The following ZNF705G variants were observed in gnomAD, a reference collection of about 807,000 sequenced individuals.
The protein encoded by ZNF705G is putative zinc finger protein 705G.
A neutral mutation model predicts 19.6 loss-of-function variants in ZNF705G; 23 were observed. The ratio of observed to expected loss-of-function variants is 1.17; its 90% CI spans 0.84 to 1.66. ZNF705G has a LOEUF of 1.66. ZNF705G is among the 40% of genes most tolerant of loss of function. The pLI, the probability that ZNF705G is intolerant of heterozygous loss-of-function variation, is 0.00. For missense variants in ZNF705G, 457 were observed against 354.4 expected, an observed-to-expected ratio of 1.29 and a Z score of -2.32; for synonymous variants, 146 against 117.7, an observed-to-expected ratio of 1.24 and a Z score of -1.56.
At chr8:7,368,435 A>G (rs545280405) in intron 2 of ZNF705G, among the ~76,000 whole-genome samples, 1 of 149,652 alleles carries the variant, frequency 6.7e-6, no homozygotes, top group South Asian at 2.1e-4. Context: ...TTTGGAGGTA[A>G]ACTGGACTTG....
chr8:7,361,196 T>C lies in ZNF705G; in HGVS notation c.53A>G (p.Gln18Arg). ...TFEDVAIDFTQEEWAMMDTSK... is the reference protein window; with the variant it reads ...TFEDVAIDFTREEWAMMDTSK... ...TGTGTCCATCATGGCCCACTCTTCC[T>C]GGGTGAAGTCAATAGCTACATCTTC... Residue 18 changes from glutamine to arginine, a missense_variant, in exon 4 of 7, where the codon CAG becomes CGG. Transcript: ENST00000400156. The C allele has an allele frequency of 1.3e-6, 2 of 1,593,014 alleles. No homozygotes were observed. Among genetic ancestry groups the C allele is most frequent in the South Asian group, 2.2e-5 (2 of 90,746 alleles).
At chr8:7,376,886 T>A (rs1216596387) in intron 2 of ZNF705G, among the ~76,000 whole-genome samples, 1 of 149,176 alleles carries the variant, frequency 6.7e-6, no homozygotes, top group Non-Finnish European at 1.5e-5. Context: ...AGAGAGTGTG[T>A]GTGTGTGTGT....
At chr8:7,365,019 C>G (rs192265925) in intron 2 of ZNF705G, among the ~76,000 whole-genome samples, 2 of 149,534 alleles carry the variant, frequency 1.3e-5, no homozygotes, top group East Asian at 3.9e-4. Flanking sequence ...TAATTATAAC[C>G]CAAACATGAA....
chr8:7,365,537 C>T (rs1323167698), intron 2 of ZNF705G, among the ~76,000 whole-genome samples: 1 of 149,106 alleles, frequency 6.7e-6, no homozygotes, highest in Admixed American at 6.6e-5. Context: ...CGCCATCGTG[C>T]TCGGCTAATT....
At chr8:7,362,833 A>G in intron 3 of ZNF705G, 102 bp downstream of exon 3, 1 of 1,585,024 alleles carries the variant, frequency 6.3e-7, no homozygotes, top group South Asian at 1.1e-5. Flanking sequence ...ACAAACAAAC[A>G]AAAAAAGAAT....
intron 2 of ZNF705G, among the ~76,000 whole-genome samples, chr8:7,375,689 C>G (rs1409197206): frequency 1.1e-5 from 1 of 93,512 alleles, no homozygotes; most frequent in Non-Finnish European, 2.1e-5. Flanking sequence ...CAAATTTCTG[C>G]ACAAACATAT....
At chr8:7,358,845 A>T (rs1269595749) in intron 6 of ZNF705G, among the ~76,000 whole-genome samples, 7 of 149,406 alleles carry the variant, frequency 4.7e-5, no homozygotes, top group African/African-American at 7.7e-5. Flanking sequence ...TATTTTGCCC[A>T]TGAGGAAATT....
chr8:7,362,899 G>A (rs1358172039), intron 3 of ZNF705G, 36 bp downstream of exon 3: 4 of 1,579,234 alleles, frequency 2.5e-6, no homozygotes, highest in African/African-American at 1.5e-5. Flanking sequence ...AGCAATATGG[G>A]TATAATTTCA....
Position 7,361,405 on chromosome 8 carries a change from C to G in ZNF705G, c.13-169G>C, listed in dbSNP as rs536699521. On this transcript the variant is annotated intron_variant, in intron 3 of 6. Coordinates refer to ENST00000400156, the MANE Select transcript of ZNF705G (RefSeq NM_001164457.3). Reference sequence around the variant, plus strand: ...CTGGTATCTGCCTTTCAGATTCACTCACAGAGATATACCCACTCTGAATCC... The same window carrying G: ...CTGGTATCTGCCTTTCAGATTCACTGACAGAGATATACCCACTCTGAATCC... Among the ~76,000 whole-genome samples, 4 of 149,736 alleles carry G rather than the reference C, an allele frequency of 2.7e-5. No individual in the cohort carries two copies. In the East Asian group the frequency reaches 7.7e-4, roughly 29 times the overall value.
At position 7,356,828 on chromosome 8, in the gene ZNF705G, T is replaced by C. The variant is rs1336415347; in HGVS notation, c.*1148A>G. 3 of 149,918 alleles carry C rather than the reference T, an allele frequency of 2.0e-5. No homozygotes were observed. Among genetic ancestry groups the C allele is most frequent in the African/African-American group, 7.6e-5 (3 of 39,280 alleles). The allele number at this position is 149,918 out of a possible 1,614,324, so 9.3% of individuals were successfully genotyped here. A position where few individuals can be genotyped will look rare whatever the true frequency, so the allele number is the denominator to read the frequency against. On this transcript the variant is annotated 3_prime_UTR_variant, in exon 7 of 7. Coordinates refer to ENST00000400156, the MANE Select transcript of ZNF705G (RefSeq NM_001164457.3). ...AACAACAGATTGTATTCTTTCAATA[T>C]TTGTAAGTATTGATCTTTTGGAAAA...
At chr8:7,368,027 A>T (rs1389514288) in intron 2 of ZNF705G, among the ~76,000 whole-genome samples, 1 of 149,650 alleles carries the variant, frequency 6.7e-6, no homozygotes, top group South Asian at 2.1e-4. Flanking sequence ...TCTTTCCCCA[A>T]GGTCTTAAAG....
rs576680894 is a variant in ZNF705G at position 7,367,057 on chromosome 8, A to C, written c.-71-4040T>G. 2.1e-4 allele frequency among the ~76,000 whole-genome samples: 32 copies of C among 149,880 alleles called. 4 individuals are homozygous for C. The highest frequency in any genetic ancestry group is 7.4e-4 in the African/African-American group (29 of 39,230). ...ATCTAGAATCTTGGAGGAGGCAGTTAAAATAATGAGATATGGTCAAAACAA... is the reference window on the plus strand; with the variant it reads ...ATCTAGAATCTTGGAGGAGGCAGTTCAAATAATGAGATATGGTCAAAACAA... On this transcript the variant is annotated intron_variant, in intron 2 of 6. Coordinates refer to ENST00000400156, the MANE Select transcript of ZNF705G (RefSeq NM_001164457.3).
At chr8:7,383,363 T>A (rs1807590087) in intron 1 of ZNF705G, among the ~76,000 whole-genome samples, 1 of 146,682 alleles carries the variant, frequency 6.8e-6, no homozygotes, top group Non-Finnish European at 1.5e-5. Context: ...TTGCTTTATA[T>A]TGTTTCTACA....
chr8:7,359,562 T>G, intron 6 of ZNF705G, 57 bp downstream of exon 6: 1 of 1,600,362 alleles, frequency 6.2e-7, no homozygotes, highest in Non-Finnish European at 8.5e-7. Context: ...ATTACTAACT[T>G]AATCCATTAA....
In ZNF705G at chr8:7,357,633, G is replaced by A. The variant is rs1390195690; in HGVS notation, c.*343C>T. 4.7e-6 allele frequency: 2 copies of A among 425,078 alleles called. No homozygotes were observed. Among genetic ancestry groups the A allele is most frequent in the South Asian group, 3.0e-5 (1 of 33,846 alleles). The allele number at this position is 425,078 out of a possible 1,614,324, so 26.3% of individuals were successfully genotyped here. A position where few individuals can be genotyped will look rare whatever the true frequency, so the allele number is the denominator to read the frequency against. On this transcript the variant is annotated 3_prime_UTR_variant, in exon 7 of 7. Transcript: ENST00000400156. Reference sequence around the variant, plus strand: ...ATGCTCAGATCACTAACAAGTCTTTGGTACATACATGTCATACAATTTCTC... The same window carrying A: ...ATGCTCAGATCACTAACAAGTCTTTAGTACATACATGTCATACAATTTCTC...
intron 2 of ZNF705G, among the ~76,000 whole-genome samples, chr8:7,368,769 G>A (rs1392813009): frequency 2.0e-5 from 3 of 149,712 alleles, no homozygotes; most frequent in Non-Finnish European, 4.4e-5. Flanking sequence ...GCACAGGACA[G>A]TGCTCACAGC....
intron 6 of ZNF705G, among the ~76,000 whole-genome samples, chr8:7,358,856 C>A (rs1271657040): frequency 6.7e-6 from 1 of 149,380 alleles, no homozygotes; most frequent in Non-Finnish European, 1.5e-5. Flanking sequence ...TGAGGAAATT[C>A]CTCATGAGCT....
At chr8:7,370,803 G>T (rs1807068377) in intron 2 of ZNF705G, among the ~76,000 whole-genome samples, 1 of 110,986 alleles carries the variant, frequency 9.0e-6, no homozygotes, top group Admixed American at 9.6e-5. Context: ...GCAAAGACAT[G>T]GAATCAACCC....
intron 2 of ZNF705G, among the ~76,000 whole-genome samples, chr8:7,363,980 G>C (rs1806729332): frequency 6.7e-6 from 1 of 149,496 alleles, no homozygotes; most frequent in African/African-American, 2.6e-5. Context: ...TGTGTATACA[G>C]TCACAATCCT....
Sources: gnomAD v4.1 joint callset for allele counts (sites outside exome capture counted in the v4.1 genomes callset) on GRCh38, gnomAD v4.1.1 for gene constraint, MANE v1.5 for transcripts, NCBI Gene and HGNC (gene_info 2026-07-23, HGNC 2026-07-21) for gene names.